Variants in TMPRSS4 observed in about 807,000 individuals in gnomAD.
TMPRSS4 encodes the protein transmembrane serine protease 4.
TMPRSS4 carries 45 observed loss-of-function variants against 56.4 expected under a neutral mutation model. That is an observed-to-expected ratio of 0.80 (90% CI 0.63 to 1.02). The LOEUF (loss-of-function observed/expected upper bound fraction) is 1.02, where lower values mean the gene tolerates loss of function less well. TMPRSS4 is among the 50% of genes least tolerant of loss of function. The pLI, the probability that TMPRSS4 is intolerant of heterozygous loss-of-function variation, is 0.00. For missense variants in TMPRSS4, 546 were observed against 556.7 expected, an observed-to-expected ratio of 0.98 and a Z score of 0.19; for synonymous variants, 205 against 211.0, an observed-to-expected ratio of 0.97 and a Z score of 0.25.
In TMPRSS4 at chr11:118,117,323, CT is replaced by C. The variant is rs1159044054; in HGVS notation, c.1172del (p.Leu391ArgfsTer187). ...CTCACAGGGTGACAGTGGTGGGCCC[CT>C]GATGTACCAATCTGACCAGTGGCAT... Reference protein sequence around the residue: ...DTCQGDSGGPLMYQSDQWHVV... With the variant: ...DTCQGDSGGPXMYQSDQWHVV... On this transcript the variant is annotated frameshift_variant, in exon 12 of 13. Coordinates refer to ENST00000437212, the MANE Select transcript of TMPRSS4 (RefSeq NM_019894.4). LOFTEE classifies it high-confidence loss of function. 1.2e-6 allele frequency: 2 copies of C among 1,614,162 alleles called. No homozygotes were observed. The highest frequency in any genetic ancestry group is 1.7e-6 in the Non-Finnish European group (2 of 1,180,030).
In TMPRSS4 at chr11:118,113,257, C is replaced by T; in HGVS notation, c.744-12C>T. On this transcript the variant is annotated splice_polypyrimidine_tract_variant and intron_variant, in intron 8 of 12. Transcript: ENST00000437212. The stretch of plus-strand genomic sequence containing the variant: ...TTGGATCAGGCCTGAACCCAGCTGT[C>T]TCTACCCCCAGGAAACATACCGATG... 1 of 1,612,820 alleles carries T rather than the reference C, an allele frequency of 6.2e-7. No homozygotes were observed. Among genetic ancestry groups the T allele is most frequent in the Non-Finnish European group, 8.5e-7 (1 of 1,179,202 alleles).
At chr11:118,117,665 A>G (rs1947634355) in intron 12 of TMPRSS4, 1 of 985,276 alleles carries the variant, frequency 1.0e-6, no homozygotes, top group Non-Finnish European at 1.2e-6. Context: ...ACCTTAGGGA[A>G]TAGAACACAC....
chr11:118,081,047 G>A (rs185320935), intron 1 of TMPRSS4, among the ~76,000 whole-genome samples: 6 of 152,162 alleles, frequency 3.9e-5, no homozygotes, highest in Non-Finnish European at 7.3e-5. Context: ...GCTTTTAGCC[G>A]CAAACCTAGC....
chr11:118,089,801 T>C (rs1945821916), intron 1 of TMPRSS4, among the ~76,000 whole-genome samples: 1 of 152,232 alleles, frequency 6.6e-6, no homozygotes. Context: ...GTGCTATATG[T>C]AATCTTTTGG....
Position 118,099,096 on chromosome 11 carries a change from TC to T in TMPRSS4, c.156del (p.Ile53SerfsTer3). ...GCGAGTATCATCATTGTGGTTGTCC[TC>T]AGTAAGTGACAGCCCGTACCCGACT... ...SLASIIIVVV[L>X]IKVILDKYYF... On this transcript the variant is annotated frameshift_variant and splice_region_variant, in exon 3 of 13. Coordinates refer to ENST00000437212, the MANE Select transcript of TMPRSS4 (RefSeq NM_019894.4). LOFTEE classifies it high-confidence loss of function. 6.2e-7 allele frequency: 1 copy of T among 1,613,072 alleles called. No homozygotes were observed. The highest frequency in any genetic ancestry group is 8.5e-7 in the Non-Finnish European group (1 of 1,179,216).
chr11:118,125,177 T>C (rs745962128), downstream of TMPRSS4: 19 of 433,786 alleles, frequency 4.4e-5, no homozygotes, highest in Admixed American at 3.1e-4. Context: ...CCCCAGGGCT[T>C]CCGGGAAAGG....
At chr11:118,103,042 T>C (rs1225505980) in intron 3 of TMPRSS4, 59 bp from the exon 4 acceptor site, 26 of 1,592,100 alleles carry the variant, frequency 1.6e-5, no homozygotes, top group Non-Finnish European at 2.2e-5. Context: ...AAACCCAGCG[T>C]CTCCCTGCTC....
intron 1 of TMPRSS4, among the ~76,000 whole-genome samples, chr11:118,085,904 A>G (rs960252236): frequency 6.6e-6 from 1 of 152,198 alleles, no homozygotes; most frequent in Non-Finnish European, 1.5e-5. Context: ...AAGCTGAGCA[A>G]AGTAGAGCTG....
chr11:118,107,890 A>G lies in TMPRSS4; in HGVS notation c.542+15A>G, dbSNP rs1315733842. On this transcript the variant is annotated intron_variant, in intron 6 of 12. Coordinates refer to ENST00000437212, the MANE Select transcript of TMPRSS4 (RefSeq NM_019894.4). ...AACTCAAGTGGGTAAGTGAGGGGACACCTTCTGGCCTACAGAAGGCCCCCA... is the reference window on the plus strand; with the variant it reads ...AACTCAAGTGGGTAAGTGAGGGGACGCCTTCTGGCCTACAGAAGGCCCCCA... 1 of 1,611,500 alleles carries G rather than the reference A, an allele frequency of 6.2e-7. No individual in the cohort carries two copies. Among genetic ancestry groups the G allele is most frequent in the Non-Finnish European group, 8.5e-7 (1 of 1,178,550 alleles).
At chr11:118,085,161 C>T (rs1177264877) in intron 1 of TMPRSS4, among the ~76,000 whole-genome samples, 1 of 151,992 alleles carries the variant, frequency 6.6e-6, no homozygotes, top group African/African-American at 2.4e-5. Context: ...GAAACTGGGT[C>T]CAGGAGCTGT....
Position 118,118,354 on chromosome 11 carries a change from A to G in TMPRSS4, c.*441A>G. 9.7e-7 allele frequency: 1 copy of G among 1,033,752 alleles called. No individual in the cohort carries two copies. Among genetic ancestry groups the G allele is most frequent in the Non-Finnish European group, 1.2e-6 (1 of 861,552 alleles). 64.0% of individuals were successfully genotyped at this position (1,033,752 alleles called of 1,614,324 possible). On this transcript the variant is annotated 3_prime_UTR_variant, in exon 13 of 13. Transcript: ENST00000437212. Reference sequence around the variant, plus strand: ...TAGAGCAAGAAACCAGTTGTAATATAAAATGCACTGCCCTACTGTTGGTAT... The same window carrying G: ...TAGAGCAAGAAACCAGTTGTAATATGAAATGCACTGCCCTACTGTTGGTAT...
rs1348995051 is a variant in TMPRSS4, at chr11:118,113,472, C to T, written c.910+37C>T. ...GGCCCAAGGCCACTCAAGCCTCTTA[C>T]ATCAGTTTTCACGCCCACTCTGCTA... On this transcript the variant is annotated intron_variant, in intron 9 of 12. Coordinates refer to ENST00000437212, the MANE Select transcript of TMPRSS4 (RefSeq NM_019894.4). The T allele has an allele frequency of 1.9e-6, 3 of 1,604,616 alleles. No individual in the cohort carries two copies. In the Admixed American group the frequency reaches 5.0e-5, roughly 27 times the overall value.
In TMPRSS4 at chr11:118,104,721, A is replaced by G. The variant is rs774877636; in HGVS notation, c.341A>G (p.Gln114Arg). 3 of 1,614,018 alleles carry G rather than the reference A, an allele frequency of 1.9e-6. No individual in the cohort carries two copies. The highest frequency in any genetic ancestry group is 1.3e-5 in the African/African-American group (1 of 74,896). Residue 114 changes from glutamine (Q) to arginine (R), a missense_variant, in exon 5 of 13, where the codon CAG (glutamine) becomes CGG (arginine). Physicochemically the swap from Gln to Arg is conservative, Grantham distance 43. Transcript: ENST00000437212. ...VRLSKDRSTLQVLDSATGNWF... is the reference protein window; with the variant it reads ...VRLSKDRSTLRVLDSATGNWF... ...CTCTCCAAGGACCGATCCACACTGC[A>G]GGTGCTGGACTCGGCCACAGGGAAC...
intron 2 of TMPRSS4, 85 bp from the exon 3 acceptor site, chr11:118,098,900 G>T: frequency 9.2e-7 from 1 of 1,082,844 alleles, no homozygotes; most frequent in South Asian, 1.5e-5. Context: ...TCACCGGCCA[G>T]AAGGCAGGAG....
intron 3 of TMPRSS4, among the ~76,000 whole-genome samples, chr11:118,101,245 C>T (rs1196475581): frequency 6.6e-6 from 1 of 152,120 alleles, no homozygotes; most frequent in Non-Finnish European, 1.5e-5. Context: ...CACTTCCCTC[C>T]CAAGACTGTT....
chr11:118,123,682 C>T (rs1482971041), downstream of TMPRSS4, among the ~76,000 whole-genome samples: 3 of 152,160 alleles, frequency 2.0e-5, no homozygotes, highest in African/African-American at 7.2e-5. Flanking sequence ...GCCACTACGC[C>T]TGGCTAATTT....
In TMPRSS4 at chr11:118,121,798, C is replaced by G. The variant is rs988393078; in HGVS notation, c.*3885C>G. The stretch of plus-strand genomic sequence containing the variant: ...TAATACTAGCTAGTTAAAATTTGAC[C>G]AAGAAGTTTCCATTGTGGGTTAATT... On this transcript the variant is annotated 3_prime_UTR_variant, in exon 13 of 13. Transcript: ENST00000437212. The G allele has an allele frequency of 6.6e-5, 10 of 151,850 alleles. No individual in the cohort carries two copies. Among genetic ancestry groups the G allele is most frequent in the Non-Finnish European group, 1.2e-4 (8 of 67,994 alleles). 9.4% of individuals were successfully genotyped at this position (151,850 alleles called of 1,614,324 possible). A position where few individuals can be genotyped will look rare whatever the true frequency, so the allele number is the denominator to read the frequency against.
chr11:118,083,140 A>C (rs1009245356), intron 1 of TMPRSS4, among the ~76,000 whole-genome samples: 1 of 152,160 alleles, frequency 6.6e-6, no homozygotes, highest in African/African-American at 2.4e-5. Context: ...TGCCACAGAA[A>C]CCTTCACAAT....
At chr11:118,110,724 A>G (rs1947233678) in intron 7 of TMPRSS4, among the ~76,000 whole-genome samples, 1 of 152,176 alleles carries the variant, frequency 6.6e-6, no homozygotes, top group East Asian at 1.9e-4. Context: ...TGCAGTTCAC[A>G]ATAAGGTTGT....
Sources: gnomAD v4.1 joint callset for allele counts (sites outside exome capture counted in the v4.1 genomes callset) on GRCh38, gnomAD v4.1.1 for gene constraint, MANE v1.5 for transcripts, NCBI Gene and HGNC (gene_info 2026-07-23, HGNC 2026-07-21) for gene names.